Variants in SPMAP2L observed in about 807,000 individuals in gnomAD.
SPMAP2L encodes the protein sperm microtubule associated protein 2-like.
the SPMAP2L span, among the ~76,000 whole-genome samples, chr4:56,550,531 T>C: frequency 1.3e-5 from 2 of 152,180 alleles, no homozygotes; most frequent in Admixed American, 6.6e-5. Context: ...TAACATTTAC[T>C]GAATATTACC....
At chr4:56,623,221 C>T in the SPMAP2L span, among the ~76,000 whole-genome samples, 1 of 152,154 alleles carries the variant, frequency 6.6e-6, no homozygotes, top group Non-Finnish European at 1.5e-5. Flanking sequence ...ATGATCCTTT[C>T]TGCTCCTAGA....
At chr4:56,598,694 G>C in the SPMAP2L span, among the ~76,000 whole-genome samples, 1 of 151,914 alleles carries the variant, frequency 6.6e-6, no homozygotes, top group African/African-American at 2.4e-5. Context: ...TCAAGGAGAG[G>C]AGGGGAGGAA....
chr4:56,615,398 A>G, the SPMAP2L span, among the ~76,000 whole-genome samples: 1 of 152,196 alleles, frequency 6.6e-6, no homozygotes, highest in East Asian at 1.9e-4. Context: ...GCAGGCACTA[A>G]ATCAGGGTAT....
chr4:56,566,302 A>G, the SPMAP2L span, among the ~76,000 whole-genome samples: 2 of 151,996 alleles, frequency 1.3e-5, no homozygotes, highest in Non-Finnish European at 2.9e-5. Flanking sequence ...GGATTCAAGC[A>G]ATTCTCTTCC....
the SPMAP2L span, among the ~76,000 whole-genome samples, chr4:56,563,359 C>T: frequency 6.6e-6 from 1 of 151,676 alleles, no homozygotes; most frequent in African/African-American, 2.4e-5. Context: ...CTGCCTCGGC[C>T]TCCCAAAGTG....
chr4:56,541,555 T>A, the SPMAP2L span, among the ~76,000 whole-genome samples: 88,401 of 151,904 alleles, frequency 0.58, 27,621 homozygotes, highest in African/African-American at 0.81. Context: ...CAAAATAGAG[T>A]ATGTTATAAT....
At chr4:56,580,881 A>G in the SPMAP2L span, among the ~76,000 whole-genome samples, 7 of 152,196 alleles carry the variant, frequency 4.6e-5, no homozygotes, top group African/African-American at 1.7e-4. Flanking sequence ...ATTTTGCAGT[A>G]GTATCAAAAA....
the SPMAP2L span, chr4:56,603,386 G>A: frequency 5.8e-6 from 7 of 1,201,714 alleles, no homozygotes; most frequent in East Asian, 1.9e-4. Context: ...AGATGACTTA[G>A]TTCCCTGTTG....
the SPMAP2L span, among the ~76,000 whole-genome samples, chr4:56,545,472 G>A: frequency 1.3e-5 from 2 of 152,036 alleles, no homozygotes; most frequent in Non-Finnish European, 2.9e-5. Context: ...GGTGACTCAT[G>A]CCCAGCACTT....
chr4:56,621,120 A>G, the SPMAP2L span, among the ~76,000 whole-genome samples: 13 of 152,362 alleles, frequency 8.5e-5, no homozygotes, highest in African/African-American at 2.9e-4. Flanking sequence ...TAAAATTTAG[A>G]TAGGAGAAAA....
the SPMAP2L span, among the ~76,000 whole-genome samples, chr4:56,610,303 G>A: frequency 1.3e-5 from 2 of 148,580 alleles, no homozygotes; most frequent in African/African-American, 5.0e-5. Flanking sequence ...AATACTTACA[G>A]CCAACTGATA....
the SPMAP2L span, among the ~76,000 whole-genome samples, chr4:56,616,971 G>C: frequency 2.0e-5 from 3 of 152,038 alleles, no homozygotes; most frequent in African/African-American, 7.3e-5. Context: ...GCTAATTTTA[G>C]TAGTCCCTGC....
the SPMAP2L span, among the ~76,000 whole-genome samples, chr4:56,572,389 G>A: frequency 6.6e-6 from 1 of 152,154 alleles, no homozygotes; most frequent in Admixed American, 6.6e-5. Context: ...TGACCGAAAG[G>A]TCATTACACG....
At chr4:56,544,738 C>G in the SPMAP2L span, among the ~76,000 whole-genome samples, 1 of 152,192 alleles carries the variant, frequency 6.6e-6, no homozygotes, top group African/African-American at 2.4e-5. Context: ...GCCGGCCGCA[C>G]GCGCTCTGGC....
the SPMAP2L span, among the ~76,000 whole-genome samples, chr4:56,607,532 A>G: frequency 1.3e-5 from 2 of 152,198 alleles, no homozygotes; most frequent in African/African-American, 4.8e-5. Flanking sequence ...CTGGTAATGG[A>G]CAGAGACTGG....
the SPMAP2L span, among the ~76,000 whole-genome samples, chr4:56,598,400 C>G: frequency 6.6e-6 from 1 of 152,124 alleles, no homozygotes; most frequent in African/African-American, 2.4e-5. Context: ...GGGAGAAATA[C>G]AGTCAATAAA....
At chr4:56,602,320 GTT>G in the SPMAP2L span, among the ~76,000 whole-genome samples, 1 of 152,104 alleles carries the variant, frequency 6.6e-6, no homozygotes, top group Admixed American at 6.6e-5. Context: ...ATAATGACAT[GTT>G]TAAAATGCTG....
chr4:56,587,012 A>G, the SPMAP2L span, among the ~76,000 whole-genome samples: 1 of 152,174 alleles, frequency 6.6e-6, no homozygotes, highest in Non-Finnish European at 1.5e-5. Flanking sequence ...AATAATCAAT[A>G]GCCTCATTTT....
chr4:56,532,413 A>C, the SPMAP2L span, among the ~76,000 whole-genome samples: 3 of 150,848 alleles, frequency 2.0e-5, no homozygotes, highest in African/African-American at 7.3e-5. Flanking sequence ...TATGCTTTAG[A>C]TACCACTCTC....
Sources: gnomAD v4.1 joint callset for allele counts (sites outside exome capture counted in the v4.1 genomes callset) on GRCh38, gnomAD v4.1.1 for gene constraint, MANE v1.5 for transcripts, NCBI Gene and HGNC (gene_info 2026-07-23, HGNC 2026-07-21) for gene names.